Variants in DLGAP2 observed in about 807,000 individuals in gnomAD.
The protein encoded by DLGAP2 is DLG associated protein 2, also known as disks large-associated protein 2.
In DLGAP2, 26 loss-of-function variants were observed where a neutral mutation model predicts 100.3. The observed-to-expected ratio is 0.26, with a 90% CI of 0.19 to 0.36. The LOEUF (loss-of-function observed/expected upper bound fraction) is 0.36. Among genes scored for constraint, DLGAP2 ranks in the 10% least tolerant of loss-of-function variants. DLGAP2 has a pLI of 1.00. For missense variants in DLGAP2, 1,858 were observed against 1,453.2 expected (o/e 1.28, Z -4.53); for synonymous variants, 886 against 630.1 (o/e 1.41, Z -6.08).
At chr8:1,485,720 A>G (rs1402009381) in intron 3 of DLGAP2, among the ~76,000 whole-genome samples, 2 of 152,162 alleles carry the variant, frequency 1.3e-5, no homozygotes, top group African/African-American at 4.8e-5. Context: ...GGGCCCAGGG[A>G]GGTCATAGAA....
intron 3 of DLGAP2, among the ~76,000 whole-genome samples, chr8:1,424,894 G>T (rs1797197402): frequency 6.6e-6 from 1 of 152,216 alleles, no homozygotes; most frequent in African/African-American, 2.4e-5. Context: ...GAGGAGGGCT[G>T]TTTAATGGGG....
At chr8:1,353,720 ATTTAC>A (rs550595943) in intron 3 of DLGAP2, among the ~76,000 whole-genome samples, 72 of 152,346 alleles carry the variant, frequency 4.7e-4, no homozygotes, top group African/African-American at 1.7e-3. Flanking sequence ...AAGAAAAATA[ATTTAC>A]TTAACGTAAG....
At chr8:1,180,218 C>T (rs543994789) in intron 2 of DLGAP2, among the ~76,000 whole-genome samples, 1 of 141,438 alleles carries the variant, frequency 7.1e-6, no homozygotes, top group African/African-American at 3.2e-5. Flanking sequence ...TGACTTATAA[C>T]TTACAGTGAA....
At chr8:1,433,352 G>A (rs1263656924) in intron 3 of DLGAP2, among the ~76,000 whole-genome samples, 1 of 152,190 alleles carries the variant, frequency 6.6e-6, no homozygotes, top group Non-Finnish European at 1.5e-5. Flanking sequence ...GGAGTGCATG[G>A]CCTACGTGTA....
chr8:761,307 C>G (rs1821077087), intron 1 of DLGAP2, among the ~76,000 whole-genome samples: 1 of 152,202 alleles, frequency 6.6e-6, no homozygotes, highest in African/African-American at 2.4e-5. Flanking sequence ...AACTCCTTTA[C>G]TGTCACTCAC....
intron 14 of DLGAP2, among the ~76,000 whole-genome samples, chr8:1,698,976 T>G (rs1455284219): frequency 6.6e-6 from 1 of 152,140 alleles, no homozygotes; most frequent in Non-Finnish European, 1.5e-5. Flanking sequence ...AAGCCATGCA[T>G]GGGACTAGGC....
chr8:1,579,392 C>G (rs1235675839), intron 6 of DLGAP2, among the ~76,000 whole-genome samples: 2 of 151,924 alleles, frequency 1.3e-5, no homozygotes, highest in Non-Finnish European at 2.9e-5. Flanking sequence ...GAAGACGTAT[C>G]TGGGCATGAT....
At chr8:1,596,181 G>C (rs1045370411) in intron 6 of DLGAP2, among the ~76,000 whole-genome samples, 2 of 152,140 alleles carry the variant, frequency 1.3e-5, no homozygotes, top group Non-Finnish European at 2.9e-5. Context: ...CTTCATCCAT[G>C]TCCCTGCAAA....
intron 2 of DLGAP2, among the ~76,000 whole-genome samples, chr8:1,068,706 G>A (rs1214841422): frequency 6.6e-6 from 1 of 152,054 alleles, no homozygotes; most frequent in Non-Finnish European, 1.5e-5. Context: ...ACAGAGGGAG[G>A]GAAGGGCTGC....
At chr8:809,061 C>T (rs1443117563) in intron 1 of DLGAP2, among the ~76,000 whole-genome samples, 3 of 152,044 alleles carry the variant, frequency 2.0e-5, no homozygotes. Context: ...TGTGCACCAC[C>T]ACGCCTGGCT....
At chr8:1,194,220 A>T (rs1797702319) in intron 2 of DLGAP2, among the ~76,000 whole-genome samples, 1 of 152,052 alleles carries the variant, frequency 6.6e-6, no homozygotes, top group Non-Finnish European at 1.5e-5. Context: ...TCTCAGCCCG[A>T]CTCAGGAGGA....
chr8:1,378,342 C>G (rs927074018), intron 3 of DLGAP2, among the ~76,000 whole-genome samples: 1 of 151,350 alleles, frequency 6.6e-6, no homozygotes, highest in Non-Finnish European at 1.5e-5. Flanking sequence ...CCTGCACACA[C>G]CTGACCTCAC....
At chr8:1,171,408 G>T (rs547783164) in intron 2 of DLGAP2, among the ~76,000 whole-genome samples, 1 of 152,110 alleles carries the variant, frequency 6.6e-6, no homozygotes, top group African/African-American at 2.4e-5. Flanking sequence ...TCCGCTTGGC[G>T]CAGAGCTGAG....
intron 4 of DLGAP2, among the ~76,000 whole-genome samples, chr8:1,543,005 A>G (rs986161426): frequency 2.6e-5 from 4 of 152,130 alleles, no homozygotes. Context: ...CCGTTAGGAC[A>G]TCTTCTTTGG....
chr8:900,264 C>T lies in DLGAP2; in HGVS notation c.19-7648C>T, dbSNP rs554892374. On this transcript the variant is annotated intron_variant, in intron 1 of 14. Transcript: ENST00000637795. The stretch of plus-strand genomic sequence containing the variant: ...AGGGCATTGCTCCCAGGCGGACGGT[C>T]GGCGCCATCCTGTTCACGGCGTCGC... Among the ~76,000 whole-genome samples, 7 of 116,300 alleles carry T rather than the reference C, an allele frequency of 6.0e-5. No individual in the cohort carries two copies. In the East Asian group the frequency reaches 8.1e-4, roughly 14 times the overall value. The allele number at this position is 116,300 out of a possible 152,430, so 76.3% of individuals were successfully genotyped here. A position where few individuals can be genotyped will look rare whatever the true frequency, so the allele number is the denominator to read the frequency against.
intron 4 of DLGAP2, among the ~76,000 whole-genome samples, chr8:1,528,274 G>A (rs1157344329): frequency 1.3e-5 from 2 of 152,210 alleles, no homozygotes; most frequent in South Asian, 2.1e-4. Context: ...CCCACCCCAG[G>A]CAGGAGGACA....
At chr8:1,065,044 A>G (rs1442850706) in intron 2 of DLGAP2, among the ~76,000 whole-genome samples, 2 of 152,234 alleles carry the variant, frequency 1.3e-5, no homozygotes, top group African/African-American at 2.4e-5. Context: ...ACAGTGGCTG[A>G]TTCCCACCCA....
rs184254795 is a variant in DLGAP2, at chr8:802,292, C to G, written c.18+64467C>G. ...ACGGCCTGGGGAACGATCTGCACCC[C>G]TCCTGGGTCCTCTGTCATCACGGCC... On this transcript the variant is annotated intron_variant, in intron 1 of 14. Transcript: ENST00000637795. Among the ~76,000 whole-genome samples the G allele has an allele frequency of 4.5e-3, 687 of 152,068 alleles. 3 individuals are homozygous for G. Among genetic ancestry groups the G allele is most frequent in the Admixed American group, 6.8e-3 (104 of 15,274 alleles).
chr8:1,328,443 C>T (rs747633123), intron 3 of DLGAP2, among the ~76,000 whole-genome samples: 6 of 152,256 alleles, frequency 3.9e-5, no homozygotes, highest in South Asian at 2.1e-4. Context: ...CTCAGCCTCC[C>T]GAGTAGCGGG....
Sources: allele counts gnomAD v4.1 joint callset (sites outside exome capture counted in the v4.1 genomes callset), GRCh38; gene constraint gnomAD v4.1.1; transcripts MANE v1.5; gene names NCBI Gene and HGNC (gene_info 2026-07-23, HGNC 2026-07-21).